Variants in FGGY observed in about 807,000 individuals in gnomAD.
The protein encoded by FGGY is FGGY carbohydrate kinase domain-containing protein.
FGGY carries 72 observed loss-of-function variants against 71.3 expected under a neutral mutation model. The ratio of observed to expected loss-of-function variants is 1.01; its 90% CI spans 0.84 to 1.23. The LOEUF (loss-of-function observed/expected upper bound fraction) is 1.23. Ranked by LOEUF, FGGY falls within the 50% of genes most tolerant of loss-of-function variation. The probability of loss-of-function intolerance (pLI) is 0.00; values close to 1 mark genes in which losing one functional copy is unlikely to be tolerated. For missense variants in FGGY, 668 were observed against 682.3 expected (o/e 0.98, Z 0.23); for synonymous variants, 251 against 250.3 (o/e 1.00, Z -0.02).
chr1:59,590,703 A>G (rs2096414881), intron 8 of FGGY, among the ~76,000 whole-genome samples: 1 of 152,230 alleles, frequency 6.6e-6, no homozygotes, highest in East Asian at 1.9e-4. Context: ...GATTATCTCA[A>G]TAGATGCAGA....
Position 59,457,404 on chromosome 1 carries a change from G to T in FGGY, c.670+328G>T, listed in dbSNP as rs544550730. ...GCAGGCAGATTGCTTGAGCCCAGGA[G>T]TTCGGGACCAGTCTGGGCAACATGG... On this transcript the variant is annotated intron_variant, in intron 6 of 15. Transcript: ENST00000303721. Among the ~76,000 whole-genome samples, 3 of 152,310 alleles carry T rather than the reference G, an allele frequency of 2.0e-5. No homozygotes were observed. In the South Asian group the frequency reaches 6.2e-4, roughly 32 times the overall value.
At chr1:59,539,583 C>T (rs1045405311) in intron 7 of FGGY, among the ~76,000 whole-genome samples, 1 of 152,244 alleles carries the variant, frequency 6.6e-6, no homozygotes, top group South Asian at 2.1e-4. Flanking sequence ...GGCCCTTCTC[C>T]TTATACTATG....
intron 12 of FGGY, among the ~76,000 whole-genome samples, chr1:59,663,512 G>A (rs973962181): frequency 3.9e-5 from 6 of 152,120 alleles, no homozygotes; most frequent in Non-Finnish European, 7.4e-5. Context: ...GCGGGCAGGA[G>A]AGGGGAAGAA....
At chr1:59,540,694 A>G (rs1250142706) in intron 7 of FGGY, among the ~76,000 whole-genome samples, 1 of 152,258 alleles carries the variant, frequency 6.6e-6, no homozygotes, top group Admixed American at 6.5e-5. Context: ...TTTATTAAAA[A>G]TATCAAAGGC....
intron 3 of FGGY, among the ~76,000 whole-genome samples, chr1:59,344,072 G>C (rs892135602): frequency 1.3e-5 from 2 of 152,182 alleles, no homozygotes; most frequent in African/African-American, 4.8e-5. Context: ...AACTAGGTTT[G>C]AGAACTAGAG....
chr1:59,537,667 G>C lies in FGGY; in HGVS notation c.800-16457G>C, dbSNP rs1055685284. ...AACAGAAATATAGATCAATGGAACA[G>C]AACAGAGCCCTCAGAAATAACGCCG... On this transcript the variant is annotated intron_variant, in intron 7 of 15. Coordinates refer to ENST00000303721, the MANE Select transcript of FGGY (RefSeq NM_018291.5). Among the ~76,000 whole-genome samples, 19 of 152,132 alleles carry C rather than the reference G, an allele frequency of 1.2e-4. 1 individual carries two copies. The highest frequency in any genetic ancestry group is 3.9e-4 in the Admixed American group (6 of 15,292).
At chr1:59,587,060 T>C (rs952300058) in intron 8 of FGGY, among the ~76,000 whole-genome samples, 3 of 152,042 alleles carry the variant, frequency 2.0e-5, no homozygotes, top group Non-Finnish European at 4.4e-5. Context: ...GGGTGACAGA[T>C]GGCACCTGGA....
At chr1:59,499,463 A>G (rs1237125334) in intron 6 of FGGY, among the ~76,000 whole-genome samples, 3 of 152,168 alleles carry the variant, frequency 2.0e-5, no homozygotes, top group East Asian at 1.9e-4. Flanking sequence ...ATGGTGTGCA[A>G]TTTAAAACTT....
chr1:59,521,159 G>T (rs2153647147), intron 7 of FGGY, among the ~76,000 whole-genome samples: 1 of 152,308 alleles, frequency 6.6e-6, no homozygotes, highest in South Asian at 2.1e-4. Context: ...ATCACAGAGG[G>T]CAGAGGAAGA....
chr1:59,389,633 C>T (rs1369099743), intron 5 of FGGY, among the ~76,000 whole-genome samples: 1 of 152,146 alleles, frequency 6.6e-6, no homozygotes, highest in African/African-American at 2.4e-5. Context: ...TAGGGTCATT[C>T]TAAGTTTAGC....
chr1:59,674,403 T>A (rs1219079701), intron 14 of FGGY, among the ~76,000 whole-genome samples: 4 of 152,178 alleles, frequency 2.6e-5, no homozygotes, highest in Non-Finnish European at 4.4e-5. Flanking sequence ...CTTTTAAATT[T>A]CCCCTTGACC....
At chr1:59,585,032 A>G (rs1029540966) in intron 8 of FGGY, among the ~76,000 whole-genome samples, 2 of 152,210 alleles carry the variant, frequency 1.3e-5, no homozygotes, top group African/African-American at 4.8e-5. Context: ...ATACCAATAA[A>G]TGGAAGAACA....
intron 4 of FGGY, among the ~76,000 whole-genome samples, chr1:59,373,439 C>G (rs1224862846): frequency 6.6e-6 from 1 of 152,136 alleles, no homozygotes; most frequent in African/African-American, 2.4e-5. Flanking sequence ...ATTCCATGCT[C>G]ATGGATAGGA....
chr1:59,618,871 A>G (rs2096782580), intron 9 of FGGY, among the ~76,000 whole-genome samples: 2 of 152,114 alleles, frequency 1.3e-5, no homozygotes, highest in African/African-American at 4.8e-5. Context: ...GTACAGATGT[A>G]GGTGTGTCCC....
intron 4 of FGGY, among the ~76,000 whole-genome samples, chr1:59,356,177 G>C (rs754398668): frequency 5.3e-5 from 8 of 151,972 alleles, no homozygotes; most frequent in Non-Finnish European, 8.8e-5. Flanking sequence ...CTACCCCTCT[G>C]AGCACTTGAA....
chr1:59,624,338 C>G (rs375514834), intron 9 of FGGY, among the ~76,000 whole-genome samples: 8 of 152,128 alleles, frequency 5.3e-5, no homozygotes, highest in African/African-American at 1.9e-4. Flanking sequence ...GATATTCAAT[C>G]TCTTTGAGCT....
intron 1 of FGGY, chr1:59,318,622 C>T (rs374417700): frequency 4.6e-5 from 7 of 152,372 alleles, no homozygotes; most frequent in African/African-American, 1.7e-4. Context: ...GAACCCAAGC[C>T]TGAGCACGTG....
intron 4 of FGGY, among the ~76,000 whole-genome samples, chr1:59,371,210 A>G (rs1173335498): frequency 6.6e-6 from 1 of 152,176 alleles, no homozygotes; most frequent in Admixed American, 6.5e-5. Context: ...GGATGGAGGA[A>G]GATCTACCAA....
intron 1 of FGGY, among the ~76,000 whole-genome samples, chr1:59,305,128 C>T (rs2043262636): frequency 6.6e-6 from 1 of 152,066 alleles, no homozygotes; most frequent in Non-Finnish European, 1.5e-5. Flanking sequence ...GGCATTCTCT[C>T]TTGTTCCTGA....
Sources: gnomAD v4.1 joint callset for allele counts (sites outside exome capture counted in the v4.1 genomes callset) on GRCh38, gnomAD v4.1.1 for gene constraint, MANE v1.5 for transcripts, NCBI Gene and HGNC (gene_info 2026-07-23, HGNC 2026-07-21) for gene names.